Variants in SULT2A1 observed in about 807,000 individuals in gnomAD.
The protein encoded by SULT2A1 is sulfotransferase family 2A member 1.
A neutral mutation model predicts 33.9 loss-of-function variants in SULT2A1; 43 were observed. The ratio of observed to expected loss-of-function variants is 1.27; its 90% CI spans 1.00 to 1.64. The LOEUF (loss-of-function observed/expected upper bound fraction) is 1.64, where lower values mean the gene tolerates loss of function less well. SULT2A1 is among the 40% of genes most tolerant of loss of function. The pLI, the probability that SULT2A1 is intolerant of heterozygous loss-of-function variation, is 0.00. For synonymous variants in SULT2A1, 125 were observed against 113.6 expected, an observed-to-expected ratio of 1.10 and a Z score of -0.64; for missense variants, 300 against 335.1, an observed-to-expected ratio of 0.90 and a Z score of 0.82.
chr19:47,879,355 C>T (rs1208823057), intron 3 of SULT2A1, among the ~76,000 whole-genome samples: 1 of 152,160 alleles, frequency 6.6e-6, no homozygotes, highest in East Asian at 1.9e-4. Context: ...TCAGTTTTCA[C>T]ACTGCTGTGA....
At chr19:47,883,298 T>C (rs1487631684) in intron 2 of SULT2A1, among the ~76,000 whole-genome samples, 1 of 151,988 alleles carries the variant, frequency 6.6e-6, no homozygotes, top group East Asian at 1.9e-4. Flanking sequence ...TACATTCTGA[T>C]TGCACTTAGA....
At position 47,873,316 on chromosome 19, in the gene SULT2A1, CCCA is replaced by C. The variant is rs575264085; in HGVS notation, c.745+1338_745+1340del. Reference sequence around the variant, plus strand: ...TCCCGAGTAGCTGGGATTACAGGCGCCCACCACCACACTTGGCTAATTTTTTGT... The same window carrying C: ...TCCCGAGTAGCTGGGATTACAGGCGCCCACCACACTTGGCTAATTTTTTGT... On this transcript the variant is annotated intron_variant, in intron 5 of 5. Coordinates refer to ENST00000222002, the MANE Select transcript of SULT2A1 (RefSeq NM_003167.4). Among the ~76,000 whole-genome samples, 307 of 151,860 alleles carry C rather than the reference CCCA, an allele frequency of 2.0e-3. 1 individual carries two copies. Among genetic ancestry groups the C allele is most frequent in the African/African-American group, 7.3e-3 (302 of 41,424 alleles).
chr19:47,883,696 G>T lies in SULT2A1; in HGVS notation c.226C>A (p.Pro76Thr), dbSNP rs775030275. 11 of 1,613,962 alleles carry T rather than the reference G, an allele frequency of 6.8e-6. No homozygotes were observed. Among genetic ancestry groups the T allele is most frequent in the South Asian group, 6.6e-5 (6 of 91,076 alleles). The part of the protein sequence containing the change: ...IQSVPIWERS[P>T]WVESEIGYTA... The stretch of plus-strand genomic sequence containing the variant: ...TACCCAATCTCACTCTCTACCCAGG[G>T]TGATCGCTCCCAGATGGGCACAGAT... Residue 76 changes from proline (P) to threonine (T), a missense_variant, in exon 2 of 6, where the codon CCC becomes ACC. Transcript: ENST00000222002.
rs1211290082 is a variant in SULT2A1, at chr19:47,871,060, T to A, written c.*395A>T. ...GGTTTCATCATGTTGGCCAGGATGG[T>A]CTCGATCTCCTGACCCCGTGATCCT... is the stretch of plus-strand genomic sequence containing the variant. On this transcript the variant is annotated 3_prime_UTR_variant, in exon 6 of 6. Transcript: ENST00000222002. The A allele has an allele frequency of 6.0e-6, 1 of 167,086 alleles. No individual in the cohort carries two copies. The highest frequency in any genetic ancestry group is 2.4e-5 in the African/African-American group (1 of 41,696). The allele number at this position is 167,086 out of a possible 1,614,324, so 10.4% of individuals were successfully genotyped here.
At chr19:47,883,986 A>G (rs916224067) in intron 1 of SULT2A1, among the ~76,000 whole-genome samples, 1 of 150,770 alleles carries the variant, frequency 6.6e-6, no homozygotes, top group Middle Eastern at 3.2e-3. Context: ...GGCGCCTAAA[A>G]TCCCAGCTAC....
chr19:47,872,761 CTTTTT>C (rs543237237), intron 5 of SULT2A1, among the ~76,000 whole-genome samples: 1 of 139,844 alleles, frequency 7.2e-6, no homozygotes, highest in African/African-American at 2.7e-5. Context: ...CAGCATTTAT[CTTTTT>C]TTTTTTTTTT....
intron 4 of SULT2A1, among the ~76,000 whole-genome samples, chr19:47,875,437 A>G (rs552447534): frequency 6.6e-6 from 1 of 152,236 alleles, no homozygotes; most frequent in Admixed American, 6.6e-5. Flanking sequence ...CGGGAGTTTT[A>G]GACCAGCCTG....
Position 47,871,169 on chromosome 19 carries a change from T to A in SULT2A1, c.*286A>T, listed in dbSNP as rs1324804757. The A allele has an allele frequency of 3.8e-6, 1 of 263,364 alleles. No individual in the cohort carries two copies. The highest frequency in any genetic ancestry group is 5.3e-5 in the Admixed American group (1 of 18,784). 16.3% of individuals were successfully genotyped at this position (263,364 alleles called of 1,614,324 possible). On this transcript the variant is annotated 3_prime_UTR_variant, in exon 6 of 6. Coordinates refer to ENST00000222002, the MANE Select transcript of SULT2A1 (RefSeq NM_003167.4). Reference sequence around the variant, plus strand: ...GCTAATTTTTTTTGGTTTTTGTATTTTTAGTAGAGATGGGGTTTCACCGTG... The same window carrying A: ...GCTAATTTTTTTTGGTTTTTGTATTATTAGTAGAGATGGGGTTTCACCGTG...
In SULT2A1 at chr19:47,874,615, G is replaced by A. The variant is rs369129023; in HGVS notation, c.745+42C>T. 77 of 1,554,472 alleles carry A rather than the reference G, an allele frequency of 5.0e-5. No homozygotes were observed. In the Middle Eastern group the frequency reaches 4.8e-3, roughly 97 times the overall value. On this transcript the variant is annotated intron_variant, in intron 5 of 5. Transcript: ENST00000222002. ...AGTTGTGACCATAGGCATGCATGCCGTGTATTCTGGTATATTTGGAAACCA... is the reference window on the plus strand; with the variant it reads ...AGTTGTGACCATAGGCATGCATGCCATGTATTCTGGTATATTTGGAAACCA...
At chr19:47,872,793 C>T (rs944343909) in intron 5 of SULT2A1, among the ~76,000 whole-genome samples, 1 of 145,478 alleles carries the variant, frequency 6.9e-6, no homozygotes, top group African/African-American at 2.6e-5. Context: ...GAGTCTTGCT[C>T]TGTCTCCCAG....
Position 47,883,758 on chromosome 19 carries a change from C to A in SULT2A1, c.164G>T (p.Cys55Phe). ...GGCATCCCCCTTGGAGTGCATCAGGCAGAGAATCTCAGCCAACCAGTTTGT... is the reference window on the plus strand; with the variant it reads ...GGCATCCCCCTTGGAGTGCATCAGGAAGAGAATCTCAGCCAACCAGTTTGT... ...SGTNWLAEIL[C>F]LMHSKGDAKW... The change falls in exon 2 of 6, where the codon TGC becomes TTC. Residue 55 changes from cysteine to phenylalanine, a missense_variant. By Grantham distance (205) the Cys-to-Phe change is radical. Transcript: ENST00000222002. 6.2e-7 allele frequency: 1 copy of A among 1,613,952 alleles called. No individual in the cohort carries two copies. Among genetic ancestry groups the A allele is most frequent in the Admixed American group, 1.7e-5 (1 of 59,984 alleles).
rs753928755 is a variant in SULT2A1 at position 47,871,529 on chromosome 19, G to T, written c.784C>A (p.Gln262Lys). Reference protein sequence around the residue: ...GDWKNHFTVAQAEDFDKLFQE... With the variant: ...GDWKNHFTVAKAEDFDKLFQE... The stretch of plus-strand genomic sequence containing the variant: ...AACAATTTATCAAAGTCTTCAGCTT[G>T]GGCCACTGTGAAGTGATTTTTCCAG... Residue 262 changes from glutamine to lysine, a missense_variant, in exon 6 of 6, where the codon CAA (glutamine) becomes AAA (lysine). Transcript: ENST00000222002. 1.9e-6 allele frequency: 3 copies of T among 1,613,884 alleles called. No homozygotes were observed. Among genetic ancestry groups the T allele is most frequent in the Non-Finnish European group, 8.5e-7 (1 of 1,180,008 alleles).
intron 4 of SULT2A1, among the ~76,000 whole-genome samples, chr19:47,875,525 C>T (rs1968536007): frequency 6.6e-6 from 1 of 151,834 alleles, no homozygotes; most frequent in African/African-American, 2.4e-5. Context: ...GTGGTACCAG[C>T]TACTTGGGAG....
intron 5 of SULT2A1, among the ~76,000 whole-genome samples, chr19:47,874,212 C>T (rs1968520127): frequency 6.6e-6 from 1 of 152,120 alleles, no homozygotes; most frequent in Non-Finnish European, 1.5e-5. Flanking sequence ...CCTGCTGAGG[C>T]CACGGGAGAA....
intron 5 of SULT2A1, among the ~76,000 whole-genome samples, chr19:47,874,437 G>A (rs1414933479): frequency 1.3e-5 from 2 of 151,632 alleles, no homozygotes; most frequent in African/African-American, 4.9e-5. Context: ...CTACTCGGGA[G>A]GCTGAGGCAG....
Position 47,883,509 on chromosome 19 carries a change from G to C in SULT2A1, c.345+68C>G, listed in dbSNP as rs183212726. On this transcript the variant is annotated intron_variant, in intron 2 of 5. Coordinates refer to ENST00000222002, the MANE Select transcript of SULT2A1 (RefSeq NM_003167.4). Reference sequence around the variant, plus strand: ...AGAATGCATTTCAGCAAGATCTCCAGATGACTTATAGGCATATCAGTGTTT... The same window carrying C: ...AGAATGCATTTCAGCAAGATCTCCACATGACTTATAGGCATATCAGTGTTT... 12 of 1,470,210 alleles carry C rather than the reference G, an allele frequency of 8.2e-6. No homozygotes were observed. The Admixed American group carries it at 1.4e-4, about 17-fold the overall frequency. 91.1% of individuals were successfully genotyped at this position (1,470,210 alleles called of 1,614,324 possible).
chr19:47,873,835 G>T (rs1968516802), intron 5 of SULT2A1, among the ~76,000 whole-genome samples: 1 of 151,278 alleles, frequency 6.6e-6, no homozygotes, highest in Admixed American at 6.6e-5. Context: ...ATGTTAGCCA[G>T]GATGGTCTTG....
Position 47,886,314 on chromosome 19 carries a change from C to T in SULT2A1, c.-57G>A, listed in dbSNP as rs1968657315. 6.3e-7 allele frequency: 1 copy of T among 1,594,690 alleles called. No individual in the cohort carries two copies. Among genetic ancestry groups the T allele is most frequent in the East Asian group, 2.2e-5 (1 of 44,630 alleles). ...TTTCAACTGTAGCCACCGCTGGAGG[C>T]TGTGGCAGCTACAGGCAGATCAGCT... On this transcript the variant is annotated 5_prime_UTR_variant, in exon 1 of 6. Transcript: ENST00000222002.
Position 47,878,074 on chromosome 19 carries a change from CGCTTGGTTATCA to C in SULT2A1, c.567+950_567+961del, listed in dbSNP as rs201160015. 4.4e-3 allele frequency among the ~76,000 whole-genome samples: 675 copies of C among 152,330 alleles called. 2 individuals are homozygous for C. The highest frequency in any genetic ancestry group is 0.031 in the Middle Eastern group (9 of 294). Reference sequence around the variant, plus strand: ...ATCCTCTCTTCCAGCGCCCTCTCAACGCTTGGTTATCAGCAGCACCATAGGTCTCACCCAGAG... The same window carrying C: ...ATCCTCTCTTCCAGCGCCCTCTCAACGCAGCACCATAGGTCTCACCCAGAG... On this transcript the variant is annotated intron_variant, in intron 4 of 5. Coordinates refer to ENST00000222002, the MANE Select transcript of SULT2A1 (RefSeq NM_003167.4).
Sources: allele counts gnomAD v4.1 joint callset (sites outside exome capture counted in the v4.1 genomes callset), GRCh38; gene constraint gnomAD v4.1.1; transcripts MANE v1.5; gene names NCBI Gene and HGNC (gene_info 2026-07-23, HGNC 2026-07-21).